The following XPR1 variants were observed in gnomAD, a reference collection of about 807,000 sequenced individuals.
The protein encoded by XPR1 is xenotropic and polytropic retrovirus receptor 1, also known as solute carrier family 53 member 1.
A neutral mutation model predicts 87.5 loss-of-function variants in XPR1; 28 were observed. The ratio of observed to expected loss-of-function variants is 0.32; its 90% confidence interval spans 0.24 to 0.44. The LOEUF is 0.44. Among genes scored for constraint, XPR1 ranks in the 20% least tolerant of loss-of-function variants. The pLI is 1.00. For missense variants in XPR1, 559 were observed against 862.3 expected, an observed-to-expected ratio of 0.65 and a Z score of 4.41; for synonymous variants, 300 against 306.1, an observed-to-expected ratio of 0.98 and a Z score of 0.21.
chr1:180,846,696 C>G (rs547159664), intron 11 of XPR1, among the ~76,000 whole-genome samples: 3 of 152,174 alleles, frequency 2.0e-5, no homozygotes, highest in African/African-American at 7.2e-5. Context: ...ACCTGCCTGC[C>G]TCGGGCTCCC....
intron 1 of XPR1, among the ~76,000 whole-genome samples, chr1:180,636,142 A>T (rs1413300414): frequency 6.6e-6 from 1 of 152,218 alleles, no homozygotes; most frequent in African/African-American, 2.4e-5. Context: ...AGACATTACC[A>T]TAACATTATT....
At chr1:180,683,087 G>A (rs1482658997) in intron 2 of XPR1, among the ~76,000 whole-genome samples, 1 of 151,528 alleles carries the variant, frequency 6.6e-6, no homozygotes, top group African/African-American at 2.4e-5. Flanking sequence ...TCGTCGTTTA[G>A]CATTAGGTAT....
At position 180,656,523 on chromosome 1, in the gene XPR1, T is replaced by TAATA. The variant is rs1655516812; in HGVS notation, c.69+24253_69+24254insAATA. On this transcript the variant is annotated intron_variant, in intron 1 of 14. Transcript: ENST00000367590. ...TATATATAATATTTATATATAATAT[T>TAATA]TATATATTATATATAATATTTATAT... Among the ~76,000 whole-genome samples, 7 of 60,186 alleles carry TAATA rather than the reference T, an allele frequency of 1.2e-4. 1 individual carries two copies. The highest frequency in any genetic ancestry group is 5.4e-4 in the Admixed American group (2 of 3,692). The allele number at this position is 60,186 out of a possible 152,430, so 39.5% of individuals were successfully genotyped here.
At chr1:180,779,056 A>T (rs1648838748) in intron 2 of XPR1, among the ~76,000 whole-genome samples, 1 of 152,140 alleles carries the variant, frequency 6.6e-6, no homozygotes, top group Non-Finnish European at 1.5e-5. Context: ...TTTCTTTTCT[A>T]ACATGCTGTT....
At chr1:180,742,049 T>A (rs991402084) in intron 2 of XPR1, among the ~76,000 whole-genome samples, 2 of 152,116 alleles carry the variant, frequency 1.3e-5, no homozygotes, top group Admixed American at 1.3e-4. Context: ...TCAGTCTTGC[T>A]TGAGTTTTTT....
chr1:180,715,371 G>A (rs534997477), intron 2 of XPR1, among the ~76,000 whole-genome samples: 7 of 152,218 alleles, frequency 4.6e-5, no homozygotes, highest in East Asian at 1.9e-4. Flanking sequence ...ATGCTATAAC[G>A]AATCTTGGAC....
chr1:180,745,554 A>G (rs909100289), intron 2 of XPR1, among the ~76,000 whole-genome samples: 1 of 152,088 alleles, frequency 6.6e-6, no homozygotes, highest in Non-Finnish European at 1.5e-5. Context: ...ACAGGGTTTC[A>G]TGGGAGTTTG....
chr1:180,638,310 G>A (rs1032339433), intron 1 of XPR1, among the ~76,000 whole-genome samples: 1 of 152,108 alleles, frequency 6.6e-6, no homozygotes, highest in African/African-American at 2.4e-5. Flanking sequence ...ATATATTGGA[G>A]ATACATAATA....
chr1:180,748,475 A>G (rs371104693), intron 2 of XPR1, among the ~76,000 whole-genome samples: 1 of 119,108 alleles, frequency 8.4e-6, no homozygotes, highest in African/African-American at 3.3e-5. Flanking sequence ...CTGGAGTGCA[A>G]TGGCGCCATC....
At chr1:180,743,067 ACT>A in intron 2 of XPR1, among the ~76,000 whole-genome samples, 1 of 151,946 alleles carries the variant, frequency 6.6e-6, no homozygotes, top group Non-Finnish European at 1.5e-5. Context: ...CATTTAAAAA[ACT>A]CATTGTGACA....
intron 2 of XPR1, among the ~76,000 whole-genome samples, chr1:180,739,428 A>G (rs1658847317): frequency 6.6e-6 from 1 of 152,162 alleles, no homozygotes; most frequent in South Asian, 2.1e-4. Flanking sequence ...TTTGCCTAAT[A>G]TAAAATTTAG....
intron 3 of XPR1, among the ~76,000 whole-genome samples, chr1:180,794,136 G>A (rs1649483659): frequency 6.6e-6 from 1 of 152,170 alleles, no homozygotes; most frequent in Non-Finnish European, 1.5e-5. Flanking sequence ...GGAACATCAT[G>A]TGTACTTACA....
chr1:180,838,674 C>T (rs549703014), intron 11 of XPR1, among the ~76,000 whole-genome samples: 1 of 152,112 alleles, frequency 6.6e-6, no homozygotes, highest in East Asian at 1.9e-4. Flanking sequence ...CAAAAGATAC[C>T]GTTTCAGTGT....
rs746114689 is a variant in XPR1 at position 180,873,849 on chromosome 1, C to T, written c.1715C>T (p.Ala572Val). Residue 572 changes from alanine (A) to valine (V), a missense_variant, in exon 13 of 15, where the codon GCT becomes GTT. Ala to Val is a moderately conservative substitution (Grantham distance 64, BLOSUM62 0). This residue lies in a region of XPR1 where 264 missense variants were observed against 377.2 expected (regional missense o/e 0.70). Coordinates refer to ENST00000367590, the MANE Select transcript of XPR1 (RefSeq NM_004736.4). ...AIIEDVILRF[A>V]WTIQISITST... Reference sequence around the variant, plus strand: ...ATAGAGGATGTGATTCTGCGCTTTGCTTGGACTATCCAAATCTCGATTACC... The same window carrying T: ...ATAGAGGATGTGATTCTGCGCTTTGTTTGGACTATCCAAATCTCGATTACC... 2 of 1,614,144 alleles carry T rather than the reference C, an allele frequency of 1.2e-6. No homozygotes were observed. Among genetic ancestry groups the T allele is most frequent in the Admixed American group, 3.3e-5 (2 of 60,012 alleles).
chr1:180,743,136 T>A (rs904850002), intron 2 of XPR1, among the ~76,000 whole-genome samples: 1 of 152,182 alleles, frequency 6.6e-6, no homozygotes, highest in Admixed American at 6.5e-5. Flanking sequence ...GTAATGATTG[T>A]TATGTTTGGA....
chr1:180,695,408 T>TGTGTG, intron 2 of XPR1, among the ~76,000 whole-genome samples: 1 of 148,436 alleles, frequency 6.7e-6, no homozygotes, highest in East Asian at 2.2e-4. Context: ...GTAGTCCCAT[T>TGTGTG]TGTGTGTGTG....
At chr1:180,853,565 A>G (rs1651934808) in intron 11 of XPR1, among the ~76,000 whole-genome samples, 1 of 150,544 alleles carries the variant, frequency 6.6e-6, no homozygotes, top group African/African-American at 2.4e-5. Context: ...TGTTCTTTGT[A>G]TGACTAGTGA....
chr1:180,673,422 A>T (rs1362543101), intron 1 of XPR1, among the ~76,000 whole-genome samples: 1 of 152,224 alleles, frequency 6.6e-6, no homozygotes, highest in Non-Finnish European at 1.5e-5. Context: ...AGAATGAAAG[A>T]TATTGTGTGT....
chr1:180,857,246 G>C (rs1053864165), intron 11 of XPR1, among the ~76,000 whole-genome samples: 8 of 152,090 alleles, frequency 5.3e-5, no homozygotes, highest in African/African-American at 1.9e-4. Context: ...CGCTGTTTCT[G>C]CCTGAATACT....
Sources: gnomAD v4.1 joint callset for allele counts (sites outside exome capture counted in the v4.1 genomes callset) on GRCh38, gnomAD v4.1.1 for gene constraint, gnomAD v4.1.1 regional missense constraint, MANE v1.5 for transcripts, NCBI Gene and HGNC (gene_info 2026-07-23, HGNC 2026-07-21) for gene names.